DTNB: variants seen among roughly 807,000 people sequenced by gnomAD.
DTNB encodes the protein dystrobrevin beta.
DTNB carries 63 observed loss-of-function variants against 90.7 expected under a neutral mutation model. That is an observed-to-expected ratio of 0.69 (90% CI 0.57 to 0.86). The LOEUF is 0.86. Among genes scored for constraint, DTNB ranks in the 40% least tolerant of loss-of-function variants. The probability of loss-of-function intolerance (pLI) is 0.00; values close to 1 mark genes in which losing one functional copy is unlikely to be tolerated. For missense variants in DTNB, 744 were observed against 807.1 expected (o/e 0.92, Z 0.95); for synonymous variants, 277 against 286.7 (o/e 0.97, Z 0.34).
At chr2:25,500,281 C>G (rs2070234868) in intron 9 of DTNB, among the ~76,000 whole-genome samples, 1 of 152,100 alleles carries the variant, frequency 6.6e-6, no homozygotes, top group South Asian at 2.1e-4. Flanking sequence ...GCTCAACTGA[C>G]ATGAATTTTA....
chr2:25,400,531 G>A (rs2043450287), intron 16 of DTNB, among the ~76,000 whole-genome samples: 1 of 152,228 alleles, frequency 6.6e-6, no homozygotes, highest in Non-Finnish European at 1.5e-5. Context: ...CTAGAAATCT[G>A]CAAAGGTAGA....
At chr2:25,389,183 G>A (rs2040392925) in intron 16 of DTNB, among the ~76,000 whole-genome samples, 1 of 152,246 alleles carries the variant, frequency 6.6e-6, no homozygotes, top group South Asian at 2.1e-4. Flanking sequence ...TATAGAAGAA[G>A]AAGAATGGAA....
chr2:25,541,962 A>G (rs527526220), intron 8 of DTNB, among the ~76,000 whole-genome samples: 60 of 152,330 alleles, frequency 3.9e-4, no homozygotes, highest in Middle Eastern at 3.4e-3. Flanking sequence ...TTTTGTTTTC[A>G]ATCTTAAACC....
chr2:25,596,095 A>T lies in DTNB; in HGVS notation c.594T>A (p.Phe198Leu). Residue 198 changes from phenylalanine to leucine, a missense_variant, in exon 6 of 21, where the codon TTT (phenylalanine) becomes TTA (leucine). Physicochemically the swap from Phe to Leu is conservative, Grantham distance 22. Transcript: ENST00000406818. ...ATAAAACTGTCCTTACCTGCTGTGG[A>T]AAACAGGTGCGGACTGAGTGCTCTG... ...GYTEHSVRTCFPQQRKIMLNM... is the reference protein window; with the variant it reads ...GYTEHSVRTCLPQQRKIMLNM... The T allele has an allele frequency of 6.2e-7, 1 of 1,605,290 alleles. No individual in the cohort carries two copies. Among genetic ancestry groups the T allele is most frequent in the Non-Finnish European group, 8.5e-7 (1 of 1,177,118 alleles).
At chr2:25,468,434 A>G (rs532350276) in intron 10 of DTNB, among the ~76,000 whole-genome samples, 1 of 152,254 alleles carries the variant, frequency 6.6e-6, no homozygotes, top group Non-Finnish European at 1.5e-5. Context: ...CAGTGGCCAC[A>G]TGGATTTCAG....
At chr2:25,446,406 T>C (rs1450782170) in intron 12 of DTNB, among the ~76,000 whole-genome samples, 2 of 151,718 alleles carry the variant, frequency 1.3e-5, no homozygotes, top group Non-Finnish European at 2.9e-5. Flanking sequence ...CTGGCTATTT[T>C]TGTTTTTTTT....
chr2:25,383,658 T>C, intron 19 of DTNB, 178 bp downstream of exon 19: 1 of 1,373,578 alleles, frequency 7.3e-7, no homozygotes, highest in Non-Finnish European at 9.7e-7. Context: ...TCGACTGACC[T>C]TGTCACCTGG....
At chr2:25,461,154 T>C (rs1261712788) in intron 10 of DTNB, among the ~76,000 whole-genome samples, 1 of 152,256 alleles carries the variant, frequency 6.6e-6, no homozygotes, top group Admixed American at 6.5e-5. Context: ...TCCGCCCGCC[T>C]TGGTCTCCCA....
chr2:25,563,678 T>C (rs1340248616), intron 8 of DTNB, among the ~76,000 whole-genome samples: 1 of 151,238 alleles, frequency 6.6e-6, no homozygotes, highest in African/African-American at 2.4e-5. Flanking sequence ...GAATATCCAG[T>C]TGTTGTCTCA....
intron 12 of DTNB, among the ~76,000 whole-genome samples, chr2:25,448,592 C>T (rs960063432): frequency 1.3e-5 from 2 of 152,070 alleles, no homozygotes; most frequent in African/African-American, 4.8e-5. Flanking sequence ...CGGTGGCTCA[C>T]GCCTGTAATC....
At chr2:25,420,807 G>A (rs1229829618) in intron 15 of DTNB, among the ~76,000 whole-genome samples, 66 of 152,182 alleles carry the variant, frequency 4.3e-4, no homozygotes, top group Admixed American at 4.3e-3. Flanking sequence ...AGAACCTTAT[G>A]GTGATGGAAC....
chr2:25,600,989 G>C (rs1204601934), intron 5 of DTNB, among the ~76,000 whole-genome samples: 1 of 152,036 alleles, frequency 6.6e-6, no homozygotes, highest in Non-Finnish European at 1.5e-5. Flanking sequence ...AAAACTGAAG[G>C]CACAGTGAAA....
chr2:25,478,413 C>T (rs1183512410), intron 10 of DTNB, among the ~76,000 whole-genome samples: 4 of 152,104 alleles, frequency 2.6e-5, no homozygotes, highest in African/African-American at 4.8e-5. Flanking sequence ...GAAATGTGTA[C>T]GGGAAGGCTT....
At chr2:25,662,122 C>T (rs1338271654) in intron 1 of DTNB, among the ~76,000 whole-genome samples, 1 of 151,008 alleles carries the variant, frequency 6.6e-6, no homozygotes, top group Non-Finnish European at 1.5e-5. Flanking sequence ...TGTCACTGCA[C>T]GCCAGCCTGG....
At chr2:25,423,032 A>T (rs2050290205) in intron 15 of DTNB, among the ~76,000 whole-genome samples, 1 of 152,178 alleles carries the variant, frequency 6.6e-6, no homozygotes, top group South Asian at 2.1e-4. Context: ...TCTACTAAAA[A>T]TACAAAAATC....
At chr2:25,407,966 T>C (rs2045640829) in intron 16 of DTNB, among the ~76,000 whole-genome samples, 2 of 152,122 alleles carry the variant, frequency 1.3e-5, no homozygotes, top group Admixed American at 1.3e-4. Flanking sequence ...CTGGGCACGG[T>C]AGCAACACTT....
intron 8 of DTNB, among the ~76,000 whole-genome samples, chr2:25,543,374 C>G (rs533798082): frequency 5.9e-5 from 9 of 151,590 alleles, no homozygotes; most frequent in African/African-American, 2.2e-4. Context: ...GGCACGATCT[C>G]GACTCACTGC....
intron 16 of DTNB, 195 bp from the exon 17 acceptor site, chr2:25,388,556 G>A (rs566885175): frequency 1.0e-4 from 69 of 660,770 alleles, no homozygotes; most frequent in Non-Finnish European, 1.4e-4. Context: ...GGAAGGGGGC[G>A]TGCAGGGCAG....
intron 14 of DTNB, among the ~76,000 whole-genome samples, chr2:25,432,206 T>TACACACACACAC (rs60610400): frequency 7.5e-4 from 110 of 146,432 alleles, no homozygotes; most frequent in Non-Finnish European, 1.0e-3. Context: ...GAAGAGTGCG[T>TACACACACACAC]ACACACACAC....
Sources: gnomAD v4.1 joint callset for allele counts (sites outside exome capture counted in the v4.1 genomes callset) on GRCh38, gnomAD v4.1.1 for gene constraint, MANE v1.5 for transcripts, NCBI Gene and HGNC (gene_info 2026-07-23, HGNC 2026-07-21) for gene names.